Variants in UGGT1 observed in about 807,000 individuals in gnomAD.
UGGT1 encodes the protein UDP-glucose:glycoprotein glucosyltransferase 1.
In UGGT1, 107 loss-of-function variants were observed where a neutral mutation model predicts 203.9. The ratio of observed to expected loss-of-function variants is 0.52; its 90% CI spans 0.45 to 0.62. The LOEUF is 0.62. Among genes scored for constraint, UGGT1 ranks in the 20% least tolerant of loss-of-function variants. The probability of loss-of-function intolerance (pLI) is 0.00; values close to 1 mark genes in which losing one functional copy is unlikely to be tolerated. For synonymous variants in UGGT1, 628 were observed against 653.5 expected (o/e 0.96, Z 0.59); for missense variants, 1,673 against 1,867.2 (o/e 0.90, Z 1.92).
intron 38 of UGGT1, among the ~76,000 whole-genome samples, chr2:128,184,611 A>G (rs1333089781): frequency 2.0e-5 from 3 of 152,170 alleles, no homozygotes; most frequent in Non-Finnish European, 2.9e-5. Flanking sequence ...GTATCCATAA[A>G]CACTAGTTTA....
At chr2:128,181,126 T>G (rs2104817306) in intron 36 of UGGT1, 54 bp downstream of exon 36, 1 of 1,525,132 alleles carries the variant, frequency 6.6e-7, no homozygotes, top group Non-Finnish European at 8.9e-7. Flanking sequence ...AACAAATTGC[T>G]TCTTTTTAAA....
At chr2:128,112,193 G>C (rs1238266369) in intron 5 of UGGT1, among the ~76,000 whole-genome samples, 1 of 151,158 alleles carries the variant, frequency 6.6e-6, no homozygotes, top group Admixed American at 6.6e-5. Flanking sequence ...AGCTGAGGTG[G>C]GTGGATCACC....
At chr2:128,133,925 C>T (rs560111559) in intron 14 of UGGT1, among the ~76,000 whole-genome samples, 1 of 152,102 alleles carries the variant, frequency 6.6e-6, no homozygotes, top group South Asian at 2.1e-4. Context: ...CATTTCTTTC[C>T]CTTCCCTCAC....
At chr2:128,183,446 C>T (rs556337478) in intron 37 of UGGT1, among the ~76,000 whole-genome samples, 3 of 152,274 alleles carry the variant, frequency 2.0e-5, no homozygotes, top group South Asian at 4.1e-4. Flanking sequence ...TTATTTCTTT[C>T]GGATGGCAAA....
intron 40 of UGGT1, among the ~76,000 whole-genome samples, chr2:128,189,285 G>GA (rs1446483203): frequency 6.6e-6 from 1 of 151,988 alleles, no homozygotes; most frequent in Non-Finnish European, 1.5e-5. Context: ...TAATTCAACA[G>GA]AAAAAACAAA....
intron 1 of UGGT1, among the ~76,000 whole-genome samples, chr2:128,093,734 C>T (rs952047717): frequency 6.6e-6 from 1 of 152,140 alleles, no homozygotes; most frequent in Non-Finnish European, 1.5e-5. Flanking sequence ...ACTTTAAAAG[C>T]AGGAAGGTGT....
At chr2:128,122,238 A>G (rs1412663776) in intron 10 of UGGT1, among the ~76,000 whole-genome samples, 1 of 150,874 alleles carries the variant, frequency 6.6e-6, no homozygotes, top group Non-Finnish European at 1.5e-5. Context: ...CTGGTGCTCA[A>G]AAGGGGGAAG....
chr2:128,094,736 C>CTTTTTT lies in UGGT1; in HGVS notation c.59-2668_59-2663dup, dbSNP rs70988604. 9.5e-5 allele frequency among the ~76,000 whole-genome samples: 8 copies of CTTTTTT among 84,636 alleles called. 2 individuals carry two copies. The highest frequency in any genetic ancestry group is 1.4e-4 in the Non-Finnish European group (7 of 48,468). The allele number at this position is 84,636 out of a possible 152,430, so 55.5% of individuals were successfully genotyped here. A position where few individuals can be genotyped will look rare whatever the true frequency, so the allele number is the denominator to read the frequency against. On this transcript the variant is annotated intron_variant, in intron 1 of 40. Coordinates refer to ENST00000259253, the MANE Select transcript of UGGT1 (RefSeq NM_020120.4). ...GTCTATGGTTAGTCCTAAGAGAATG[C>CTTTTTT]TTTTTTTTTTTTTTTTTTTTTTTTT...
chr2:128,187,269 C>A, intron 39 of UGGT1, 180 bp from the exon 40 acceptor site: 1 of 554,114 alleles, frequency 1.8e-6, no homozygotes, highest in Non-Finnish European at 2.9e-6. Flanking sequence ...CTCACACATT[C>A]TTTGTAGATG....
chr2:128,133,383 A>C (rs1389950106), intron 14 of UGGT1, 123 bp downstream of exon 14: 2 of 1,300,878 alleles, frequency 1.5e-6, no homozygotes, highest in African/African-American at 2.9e-5. Flanking sequence ...CCCTTCACCA[A>C]ATACTCTTCC....
Position 128,176,233 on chromosome 2 carries a change from G to C in UGGT1, c.3540-581G>C, listed in dbSNP as rs1043368417. Among the ~76,000 whole-genome samples the C allele has an allele frequency of 2.6e-5, 4 of 152,102 alleles. No homozygotes were observed. The East Asian group carries it at 7.7e-4, about 29-fold the overall frequency. ...GTTTGAGACCAGCCTAGCCACTATGGTGAAACCCTGTCTCTACTAAAATAC... is the reference window on the plus strand; with the variant it reads ...GTTTGAGACCAGCCTAGCCACTATGCTGAAACCCTGTCTCTACTAAAATAC... On this transcript the variant is annotated intron_variant, in intron 31 of 40. Coordinates refer to ENST00000259253, the MANE Select transcript of UGGT1 (RefSeq NM_020120.4).
At chr2:128,102,336 G>T (rs1385035187) in intron 2 of UGGT1, among the ~76,000 whole-genome samples, 1 of 152,086 alleles carries the variant, frequency 6.6e-6, no homozygotes, top group Non-Finnish European at 1.5e-5. Flanking sequence ...TAGAGATGGG[G>T]TTTCACCATG....
At chr2:128,141,780 C>T (rs1440707822) in intron 16 of UGGT1, among the ~76,000 whole-genome samples, 1 of 150,012 alleles carries the variant, frequency 6.7e-6, no homozygotes, top group Non-Finnish European at 1.5e-5. Context: ...CATTGCACTC[C>T]AGCCTGGGTG....
chr2:128,111,731 G>A (rs1573510365), intron 5 of UGGT1, among the ~76,000 whole-genome samples: 1 of 151,734 alleles, frequency 6.6e-6, no homozygotes, highest in Non-Finnish European at 1.5e-5. Context: ...TCCTGACCTC[G>A]TGATCCGCCC....
In UGGT1 at chr2:128,095,911, G is replaced by A. The variant is rs1687097890; in HGVS notation, c.59-1518G>A. On this transcript the variant is annotated intron_variant, in intron 1 of 40. Coordinates refer to ENST00000259253, the MANE Select transcript of UGGT1 (RefSeq NM_020120.4). Reference sequence around the variant, plus strand: ...AATATTAAAGAACTGGGATGAGACCGAAGTGAGCCTTACCAGAGCTAACAT... The same window carrying A: ...AATATTAAAGAACTGGGATGAGACCAAAGTGAGCCTTACCAGAGCTAACAT... 2.0e-5 allele frequency among the ~76,000 whole-genome samples: 3 copies of A among 152,166 alleles called. No individual in the cohort carries two copies. In the South Asian group the frequency reaches 6.2e-4, roughly 32 times the overall value.
intron 14 of UGGT1, 23 bp downstream of exon 14, chr2:128,133,283 C>T (rs1688971659): frequency 2.5e-6 from 4 of 1,592,820 alleles, no homozygotes; most frequent in Admixed American, 1.8e-5. Context: ...TATTGTCTGG[C>T]TGTGAACTCT....
At chr2:128,099,350 G>T (rs183221917) in intron 2 of UGGT1, among the ~76,000 whole-genome samples, 1 of 152,122 alleles carries the variant, frequency 6.6e-6, no homozygotes, top group East Asian at 1.9e-4. Context: ...CACCATCTTG[G>T]CCAGGCTGGT....
intron 22 of UGGT1, among the ~76,000 whole-genome samples, chr2:128,158,147 C>T (rs1392755204): frequency 1.3e-5 from 2 of 152,194 alleles, no homozygotes; most frequent in African/African-American, 4.8e-5. Context: ...GTGAAAGGCA[C>T]TCTAACACAA....
chr2:128,111,507 A>T (rs1408243962), intron 5 of UGGT1, among the ~76,000 whole-genome samples: 3 of 151,900 alleles, frequency 2.0e-5, no homozygotes, highest in Non-Finnish European at 4.4e-5. Context: ...TTATTTATTT[A>T]TTATTTATTT....
Sources: gnomAD v4.1 joint callset for allele counts (sites outside exome capture counted in the v4.1 genomes callset) on GRCh38, gnomAD v4.1.1 for gene constraint, MANE v1.5 for transcripts, NCBI Gene and HGNC (gene_info 2026-07-23, HGNC 2026-07-21) for gene names.